TENM4: variants seen among roughly 807,000 people sequenced by gnomAD.
TENM4 encodes the protein teneurin transmembrane protein 4.
Under a neutral mutation model 243.3 loss-of-function variants are expected in TENM4, and 82 were observed. That is an observed-to-expected ratio of 0.34 (90% CI 0.28 to 0.40). The LOEUF (loss-of-function observed/expected upper bound fraction) is 0.40, where lower values mean the gene tolerates loss of function less well. TENM4 is among the 10% of genes least tolerant of loss of function. The pLI is 1.00. For missense variants in TENM4, 3,138 were observed against 3,673.3 expected, an observed-to-expected ratio of 0.85 and a Z score of 3.77; for synonymous variants, 1,412 against 1,456.3, an observed-to-expected ratio of 0.97 and a Z score of 0.69.
intron 3 of TENM4, among the ~76,000 whole-genome samples, chr11:79,210,682 G>A (rs1220135199): frequency 6.6e-6 from 1 of 152,102 alleles, no homozygotes; most frequent in East Asian, 1.9e-4. Flanking sequence ...CTGAAAATGG[G>A]GAAAACACCG....
intron 3 of TENM4, among the ~76,000 whole-genome samples, chr11:79,197,014 G>A (rs1429756978): frequency 3.3e-5 from 5 of 152,176 alleles, no homozygotes; most frequent in African/African-American, 1.2e-4. Flanking sequence ...AAAGCAAAAA[G>A]GCTCTGAGTC....
Position 78,712,527 on chromosome 11 carries a change from C to T in TENM4, c.4009G>A (p.Gly1337Arg), listed in dbSNP as rs1180812388. Residue 1337 changes from glycine to arginine, a missense_variant, in exon 26 of 34, where the codon GGG becomes AGG. Gly to Arg is a moderately radical substitution (Grantham distance 125). Coordinates refer to ENST00000278550, the MANE Select transcript of TENM4 (RefSeq NM_001098816.3). ...QCLPFDDTRC[G>R]DGGKATEATL... ...GCTTCTGTGGCCTTCCCACCATCCC[C>T]GCAGCGAGTGTCATCAAAGGGGAGG... The T allele has an allele frequency of 3.7e-6, 6 of 1,613,898 alleles. No homozygotes were observed. Among genetic ancestry groups the T allele is most frequent in the East Asian group, 2.2e-5 (1 of 44,900 alleles).
At chr11:79,204,978 T>C (rs1863819533) in intron 3 of TENM4, among the ~76,000 whole-genome samples, 1 of 152,236 alleles carries the variant, frequency 6.6e-6, no homozygotes, top group Non-Finnish European at 1.5e-5. Flanking sequence ...TTGTGGATAC[T>C]GTACATACAT....
chr11:79,080,592 C>G (rs533564291), intron 4 of TENM4, among the ~76,000 whole-genome samples: 5 of 152,284 alleles, frequency 3.3e-5, no homozygotes, highest in African/African-American at 1.2e-4. Context: ...CCCCCTGCAC[C>G]CCTTTCTCCT....
chr11:78,871,691 C>T (rs556564158), intron 9 of TENM4, among the ~76,000 whole-genome samples: 2 of 152,276 alleles, frequency 1.3e-5, no homozygotes, highest in East Asian at 1.9e-4. Flanking sequence ...TTCCATCAGG[C>T]GCTGCTTCCC....
chr11:79,000,472 C>T (rs1428135639), intron 6 of TENM4, among the ~76,000 whole-genome samples: 3 of 151,458 alleles, frequency 2.0e-5, no homozygotes, highest in Non-Finnish European at 2.9e-5. Context: ...ATATGTGTGA[C>T]AAAAAATAGC....
At chr11:79,282,331 G>A (rs948622997) in intron 2 of TENM4, among the ~76,000 whole-genome samples, 3 of 152,122 alleles carry the variant, frequency 2.0e-5, no homozygotes, top group African/African-American at 7.2e-5. Flanking sequence ...TTCTTTCTGT[G>A]TGACCCGATA....
At chr11:79,020,825 G>A (rs2136801514) in intron 6 of TENM4, among the ~76,000 whole-genome samples, 1 of 152,244 alleles carries the variant, frequency 6.6e-6, no homozygotes, top group South Asian at 2.1e-4. Flanking sequence ...ACATCGCTGA[G>A]CACCTACTCT....
At chr11:79,012,716 G>T (rs1565166823) in intron 6 of TENM4, among the ~76,000 whole-genome samples, 1 of 152,266 alleles carries the variant, frequency 6.6e-6, no homozygotes, top group East Asian at 1.9e-4. Context: ...ATTCACCAGG[G>T]GTAGGTGCTC....
chr11:79,269,404 T>TC (rs1855931899), intron 2 of TENM4, among the ~76,000 whole-genome samples: 2 of 152,198 alleles, frequency 1.3e-5, no homozygotes, highest in South Asian at 4.1e-4. Context: ...TCCCATGGCT[T>TC]CCTGAAGAGA....
chr11:79,378,684 C>T (rs1857939439), intron 1 of TENM4, among the ~76,000 whole-genome samples: 1 of 152,014 alleles, frequency 6.6e-6, no homozygotes, highest in Admixed American at 6.5e-5. Flanking sequence ...TCTTAACCTT[C>T]CCTGCCTCAG....
intron 2 of TENM4, among the ~76,000 whole-genome samples, chr11:79,280,973 A>G (rs1856147514): frequency 6.6e-6 from 1 of 152,240 alleles, no homozygotes; most frequent in Non-Finnish European, 1.5e-5. Flanking sequence ...CTAAAAGGTC[A>G]CAGTCAATTT....
chr11:79,351,906 G>T (rs1001679977), intron 1 of TENM4, among the ~76,000 whole-genome samples: 1 of 152,096 alleles, frequency 6.6e-6, no homozygotes, highest in African/African-American at 2.4e-5. Flanking sequence ...GAGGTGAAGA[G>T]CCCCGTGCTG....
chr11:79,259,503 A>G (rs940910852), intron 2 of TENM4, among the ~76,000 whole-genome samples: 1 of 110,562 alleles, frequency 9.0e-6, no homozygotes, highest in Admixed American at 8.5e-5. Context: ...CTATCCATGC[A>G]TCCATCCATC....
intron 6 of TENM4, 107 bp from the exon 7 acceptor site, chr11:78,903,630 A>C: frequency 6.8e-7 from 1 of 1,481,384 alleles, no homozygotes. Flanking sequence ...GAGCCGGCAG[A>C]TTATACATAT....
intron 19 of TENM4, 36 bp from the exon 20 acceptor site, chr11:78,738,606 C>T (rs1855852611): frequency 6.3e-7 from 1 of 1,599,868 alleles, no homozygotes; most frequent in Non-Finnish European, 8.5e-7. Context: ...CATGATACAC[C>T]TTTCATGGTC....
chr11:79,222,024 A>G (rs567236), intron 2 of TENM4, among the ~76,000 whole-genome samples: 126,214 of 152,144 alleles, frequency 0.83, 53,599 homozygotes, highest in East Asian at 0.96. Flanking sequence ...GGTCCTCAAC[A>G]TTCTCAGTGT....
At chr11:78,984,508 C>T (rs1047378284) in intron 6 of TENM4, among the ~76,000 whole-genome samples, 1 of 152,186 alleles carries the variant, frequency 6.6e-6, no homozygotes, top group Non-Finnish European at 1.5e-5. Context: ...CTGTTATCCG[C>T]CCTGTTACTC....
chr11:78,928,631 G>A (rs778967040), intron 6 of TENM4, among the ~76,000 whole-genome samples: 2 of 152,208 alleles, frequency 1.3e-5, no homozygotes, highest in Non-Finnish European at 2.9e-5. Flanking sequence ...TTTGCTAGCT[G>A]TGTGACTTTG....
Sources: gnomAD v4.1 joint callset for allele counts (sites outside exome capture counted in the v4.1 genomes callset) on GRCh38, gnomAD v4.1.1 for gene constraint, MANE v1.5 for transcripts, NCBI Gene and HGNC (gene_info 2026-07-23, HGNC 2026-07-21) for gene names.